Variants in PTPRK observed in about 807,000 individuals in gnomAD.
PTPRK encodes protein tyrosine phosphatase receptor type K, also known as receptor-type tyrosine-protein phosphatase kappa.
PTPRK carries 75 observed loss-of-function variants against 178.0 expected under a neutral mutation model. That is an observed-to-expected ratio of 0.42 (90% CI 0.35 to 0.51). The LOEUF (loss-of-function observed/expected upper bound fraction) is 0.51. PTPRK is among the 20% of genes least tolerant of loss of function. The probability of loss-of-function intolerance (pLI) is 0.02; values close to 1 mark genes in which losing one functional copy is unlikely to be tolerated. For missense variants in PTPRK, 1,441 were observed against 1,797.8 expected (o/e 0.80, Z 3.59); for synonymous variants, 637 against 620.6 (o/e 1.03, Z -0.39).
chr6:128,082,735 G>A (rs1358405368), intron 9 of PTPRK, 97 bp from the exon 10 acceptor site: 4 of 847,600 alleles, frequency 4.7e-6, no homozygotes, highest in East Asian at 2.8e-5. Flanking sequence ...GGGCATCCAT[G>A]TGGAGTCAAT....
chr6:127,993,771 TATACTCATATCGTTTAC>T (rs1776855947), intron 18 of PTPRK, among the ~76,000 whole-genome samples: 1 of 151,820 alleles, frequency 6.6e-6, no homozygotes, highest in African/African-American at 2.4e-5. Flanking sequence ...TGCAGAAGTA[TATACTCATATCGTTTAC>T]ATATAATGAA....
rs547328239 is a variant in PTPRK at position 128,088,574 on chromosome 6, G to A, written c.1465+1116C>T. ...TTCTACATGCCTTAATTCATAAAAG[G>A]AAATTTTGAAAGGAAATATCTTACA... On this transcript the variant is annotated intron_variant, in intron 8 of 29. Transcript: ENST00000368226. Among the ~76,000 whole-genome samples the A allele has an allele frequency of 1.4e-3, 220 of 152,052 alleles. 1 individual carries two copies. The highest frequency in any genetic ancestry group is 4.1e-3 in the Admixed American group (63 of 15,276).
At chr6:128,079,474 A>G (rs555847468) in intron 10 of PTPRK, among the ~76,000 whole-genome samples, 17 of 152,228 alleles carry the variant, frequency 1.1e-4, no homozygotes, top group Non-Finnish European at 2.2e-4. Context: ...TTTGTTCATC[A>G]GGGACATTAG....
chr6:128,478,141 T>A (rs1168059450), intron 1 of PTPRK, among the ~76,000 whole-genome samples: 3 of 152,066 alleles, frequency 2.0e-5, no homozygotes, highest in African/African-American at 7.2e-5. Flanking sequence ...TACCATTCAG[T>A]GGGGAAAAAA....
In PTPRK at chr6:128,358,021, G is replaced by A. The variant is rs746434086; in HGVS notation, c.224-35711C>T. 9.9e-5 allele frequency among the ~76,000 whole-genome samples: 15 copies of A among 152,232 alleles called. No homozygotes were observed. In the South Asian group the frequency reaches 1.4e-3, roughly 15 times the overall value. Reference sequence around the variant, plus strand: ...CAGGATAGGCCCACTCAGTGAAGCCGTATGAATGACAATTTTACTTCAGAT... The same window carrying A: ...CAGGATAGGCCCACTCAGTGAAGCCATATGAATGACAATTTTACTTCAGAT... On this transcript the variant is annotated intron_variant, in intron 2 of 29. Transcript: ENST00000368226.
chr6:128,209,208 T>C (rs1299842527), intron 6 of PTPRK, among the ~76,000 whole-genome samples: 2 of 152,060 alleles, frequency 1.3e-5, no homozygotes, highest in Non-Finnish European at 2.9e-5. Flanking sequence ...AGACAGATAA[T>C]ATGTAAGTAA....
chr6:128,307,340 A>G (rs577838131), intron 3 of PTPRK, among the ~76,000 whole-genome samples: 35 of 151,330 alleles, frequency 2.3e-4, no homozygotes, highest in Middle Eastern at 3.4e-3. Context: ...TCAAACCCAA[A>G]GTCATCAAAT....
At chr6:128,302,416 AAG>A (rs1825776726) in intron 3 of PTPRK, among the ~76,000 whole-genome samples, 1 of 150,292 alleles carries the variant, frequency 6.7e-6, no homozygotes, top group Non-Finnish European at 1.5e-5. Flanking sequence ...AAAAAAAAAA[AAG>A]CCAGGAAAGA....
rs139992225 is a variant in PTPRK, at chr6:128,361,606, C to T, written c.223+35960G>A. Among the ~76,000 whole-genome samples, 192 of 152,192 alleles carry T rather than the reference C, an allele frequency of 1.3e-3. 1 individual carries two copies. Among genetic ancestry groups the T allele is most frequent in the Middle Eastern group, 3.4e-3 (1 of 294 alleles). On this transcript the variant is annotated intron_variant, in intron 2 of 29. Coordinates refer to ENST00000368226, the MANE Select transcript of PTPRK (RefSeq NM_002844.4). The stretch of plus-strand genomic sequence containing the variant: ...CCTATACAATAGATATAGTCTATTA[C>T]ATATGATATAGTCTATTGCTCCTAC...
intron 1 of PTPRK, among the ~76,000 whole-genome samples, chr6:128,423,736 G>A (rs1843760141): frequency 6.6e-6 from 1 of 152,038 alleles, no homozygotes; most frequent in African/African-American, 2.4e-5. Context: ...GCTGAGGCAG[G>A]AGAATCACTT....
At chr6:127,977,506 G>A (rs1190338415) in intron 25 of PTPRK, among the ~76,000 whole-genome samples, 1 of 152,132 alleles carries the variant, frequency 6.6e-6, no homozygotes, top group Non-Finnish European at 1.5e-5. Flanking sequence ...TATAGTGTGT[G>A]TGCGTGCAAG....
chr6:128,147,522 GA>G (rs34696150), intron 7 of PTPRK, among the ~76,000 whole-genome samples: 6 of 151,398 alleles, frequency 4.0e-5, no homozygotes, highest in Admixed American at 6.6e-5. Flanking sequence ...TTGTAAAATA[GA>G]AAAAAAATCA....
At chr6:127,974,306 T>C (rs1014224374) in intron 27 of PTPRK, among the ~76,000 whole-genome samples, 3 of 152,228 alleles carry the variant, frequency 2.0e-5, no homozygotes, top group Non-Finnish European at 4.4e-5. Flanking sequence ...TCCAAATTGT[T>C]GTCATGGCTT....
intron 1 of PTPRK, among the ~76,000 whole-genome samples, chr6:128,399,586 A>G (rs750106233): frequency 3.6e-4 from 55 of 152,156 alleles, no homozygotes; most frequent in Non-Finnish European, 1.8e-4. Flanking sequence ...GTTTTTCTCA[A>G]AATATAATTT....
At chr6:128,181,549 C>T (rs915574552) in intron 7 of PTPRK, among the ~76,000 whole-genome samples, 3 of 152,106 alleles carry the variant, frequency 2.0e-5, no homozygotes, top group East Asian at 1.9e-4. Flanking sequence ...CAGAATTTAA[C>T]AAAATTAGAT....
chr6:128,029,358 TATA>T (rs1774884175), intron 13 of PTPRK, among the ~76,000 whole-genome samples: 1 of 151,998 alleles, frequency 6.6e-6, no homozygotes, highest in Admixed American at 6.6e-5. Flanking sequence ...CTCTTCTCTT[TATA>T]AACTACCCAG....
At chr6:128,493,588 CCCTACACACA>C (rs1193879604) in intron 1 of PTPRK, among the ~76,000 whole-genome samples, 7 of 113,346 alleles carry the variant, frequency 6.2e-5, no homozygotes, top group African/African-American at 2.6e-4. Flanking sequence ...ACCTCCCGCC[CCCTACACACA>C]CACACACACA....
intron 11 of PTPRK, among the ~76,000 whole-genome samples, chr6:128,078,489 C>T (rs924775398): frequency 6.6e-6 from 1 of 151,840 alleles, no homozygotes; most frequent in Admixed American, 6.6e-5. Context: ...ATCTCAGTTT[C>T]AGTTACCCGT....
intron 15 of PTPRK, chr6:128,001,121 T>C: frequency 8.2e-7 from 1 of 1,217,540 alleles, no homozygotes; most frequent in Non-Finnish European, 1.2e-6. Flanking sequence ...TTATCCTTAT[T>C]ATACATTTAA....
Sources: gnomAD v4.1 joint callset for allele counts (sites outside exome capture counted in the v4.1 genomes callset) on GRCh38, gnomAD v4.1.1 for gene constraint, MANE v1.5 for transcripts, NCBI Gene and HGNC (gene_info 2026-07-23, HGNC 2026-07-21) for gene names.